Variants in RTF1 observed in about 807,000 individuals in gnomAD.
RTF1 encodes the protein RNA polymerase-associated protein RTF1 homolog.
Under a neutral mutation model 95.7 loss-of-function variants are expected in RTF1, and 10 were observed. That is an observed-to-expected ratio of 0.10 (90% CI 0.06 to 0.18). The LOEUF (loss-of-function observed/expected upper bound fraction) is 0.18, where lower values mean the gene tolerates loss of function less well. Ranked by LOEUF, RTF1 falls within the 10% of genes least tolerant of loss-of-function variation. The pLI is 1.00. For synonymous variants in RTF1, 305 were observed against 311.8 expected, an observed-to-expected ratio of 0.98 and a Z score of 0.23; for missense variants, 458 against 875.6, an observed-to-expected ratio of 0.52 and a Z score of 6.02.
At chr15:41,420,342 A>G (rs767352076) in intron 1 of RTF1, among the ~76,000 whole-genome samples, 1 of 152,154 alleles carries the variant, frequency 6.6e-6, no homozygotes, top group African/African-American at 2.4e-5. Context: ...GCACTATGCC[A>G]GACTCTCAGA....
chr15:41,433,323 T>C (rs566749000), intron 1 of RTF1, among the ~76,000 whole-genome samples: 1 of 152,194 alleles, frequency 6.6e-6, no homozygotes, highest in Admixed American at 6.5e-5. Context: ...AGAGAAGAGA[T>C]TACTTACCAG....
At chr15:41,469,498 A>C (rs190596305) in intron 6 of RTF1, among the ~76,000 whole-genome samples, 8 of 150,908 alleles carry the variant, frequency 5.3e-5, no homozygotes, top group African/African-American at 1.9e-4. Context: ...CTGGGATTAC[A>C]GGCATGAGTC....
chr15:41,442,979 A>G (rs1486551700), intron 2 of RTF1, among the ~76,000 whole-genome samples: 1 of 152,192 alleles, frequency 6.6e-6, no homozygotes, highest in Non-Finnish European at 1.5e-5. Context: ...TCAAACTTAT[A>G]TATGTCTCTC....
At chr15:41,474,511 C>T in intron 8 of RTF1, 109 bp from the exon 9 acceptor site, 1 of 816,774 alleles carries the variant, frequency 1.2e-6, no homozygotes. Context: ...GGACTCTACT[C>T]AGCACTCTAT....
In RTF1 at chr15:41,471,097, G is replaced by A. The variant is rs1182241538; in HGVS notation, c.1026-75G>A. 3 of 1,395,008 alleles carry A rather than the reference G, an allele frequency of 2.2e-6. No individual in the cohort carries two copies. The African/African-American group carries it at 4.3e-5, about 20-fold the overall frequency. The allele number at this position is 1,395,008 out of a possible 1,614,324, so 86.4% of individuals were successfully genotyped here. On this transcript the variant is annotated intron_variant, in intron 7 of 17. Transcript: ENST00000389629. ...ACATGTACTTTGGTTAAGTTTTGAG[G>A]AGTTGATATTATTTTTCTGTCTTGT...
In RTF1 at chr15:41,475,685, T is replaced by G. The variant is rs552066769; in HGVS notation, c.1375-27T>G. The G allele has an allele frequency of 3.1e-6, 5 of 1,598,950 alleles. No homozygotes were observed. The South Asian group carries it at 5.5e-5, about 18-fold the overall frequency. ...ATATCTTTCCAAAATCCCTTACTAA[T>G]AATCTCGTATCGTGTTTTTGATCCA... On this transcript the variant is annotated intron_variant, in intron 10 of 17. Transcript: ENST00000389629.
intron 6 of RTF1, among the ~76,000 whole-genome samples, chr15:41,468,472 C>G (rs1029323332): frequency 1.3e-5 from 2 of 152,010 alleles, no homozygotes; most frequent in East Asian, 3.9e-4. Context: ...CACCTGCCAC[C>G]ACGCCCAGCT....
intron 4 of RTF1, among the ~76,000 whole-genome samples, chr15:41,461,690 C>T (rs538483826): frequency 2.0e-5 from 3 of 150,996 alleles, no homozygotes; most frequent in Non-Finnish European, 4.4e-5. Context: ...GGGGTTTCAC[C>T]GTGTTAGCCA....
chr15:41,430,174 ATTTTTTT>A (rs773433000), intron 1 of RTF1, among the ~76,000 whole-genome samples: 1 of 110,256 alleles, frequency 9.1e-6, no homozygotes, highest in African/African-American at 3.5e-5. Flanking sequence ...TGTCTGGCTA[ATTTTTTT>A]TTTTTTTTTT....
intron 2 of RTF1, 106 bp from the exon 3 acceptor site, chr15:41,452,795 G>A: frequency 1.2e-6 from 1 of 832,860 alleles, no homozygotes; most frequent in South Asian, 3.0e-5. Flanking sequence ...TATTTGTTTT[G>A]GATTCAAAGA....
chr15:41,464,820 G>A lies in RTF1; in HGVS notation c.712G>A (p.Glu238Lys). The A allele has an allele frequency of 6.4e-7, 1 of 1,561,442 alleles. No individual in the cohort carries two copies. Among genetic ancestry groups the A allele is most frequent in the Non-Finnish European group, 8.7e-7 (1 of 1,154,770 alleles). The change falls in exon 5 of 18, where the codon GAA becomes AAA. Residue 238 changes from glutamate (E) to lysine (K), a missense_variant. Glu to Lys is a moderately conservative substitution (Grantham distance 56). This residue lies in a region of RTF1 where 39 missense variants were observed against 43.8 expected (regional missense o/e 0.89). Coordinates refer to ENST00000389629, the MANE Select transcript of RTF1 (RefSeq NM_015138.5). The part of the protein sequence containing the change: ...LKTAKKKEKK[E>K]KKKKQEEEQE... ...AACAGCCAAAAAGAAAGAAAAGAAAGAAAAGAAGAAAAAGCAAGAAGAGGA... is the reference window on the plus strand; with the variant it reads ...AACAGCCAAAAAGAAAGAAAAGAAAAAAAAGAAGAAAAAGCAAGAAGAGGA...
chr15:41,474,278 A>G (rs778487823), intron 8 of RTF1, among the ~76,000 whole-genome samples: 3 of 152,242 alleles, frequency 2.0e-5, no homozygotes, highest in Non-Finnish European at 2.9e-5. Flanking sequence ...GCTTGGCAAC[A>G]GAAACTGACC....
intron 10 of RTF1, 44 bp downstream of exon 10, chr15:41,475,656 G>A (rs1312277738): frequency 1.2e-6 from 2 of 1,603,532 alleles, no homozygotes; most frequent in Non-Finnish European, 1.7e-6. Flanking sequence ...TGCACGTTGA[G>A]AAAATATCTT....
intron 8 of RTF1, among the ~76,000 whole-genome samples, chr15:41,473,820 C>T (rs1393357665): frequency 3.3e-5 from 5 of 151,686 alleles, no homozygotes; most frequent in African/African-American, 1.2e-4. Flanking sequence ...AGGTGGATCA[C>T]GAGGTCAGGA....
rs2050967527 is a variant in RTF1, at chr15:41,480,620, C to T, written c.2066C>T (p.Ala689Val). 6.2e-7 allele frequency: 1 copy of T among 1,614,068 alleles called. No homozygotes were observed. The highest frequency in any genetic ancestry group is 8.5e-7 in the Non-Finnish European group (1 of 1,180,028). Residue 689 changes from alanine (A) to valine (V), a missense_variant, in exon 18 of 18, where the codon GCC becomes GTC. Transcript: ENST00000389629. ...ALAITSKAPP[A>V]KDGAPRRSLN... ...GCCATCACCTCCAAGGCTCCGCCAG[C>T]CAAGGATGGGGCTCCAAGGAGATCT...
At chr15:41,448,814 A>G (rs1300742216) in intron 2 of RTF1, 1 of 152,102 alleles carries the variant, frequency 6.6e-6, no homozygotes, top group African/African-American at 2.4e-5. Context: ...TCTGTATTCT[A>G]ATTTTAGATA....
At chr15:41,440,859 G>A (rs1291405526) in intron 2 of RTF1, among the ~76,000 whole-genome samples, 2 of 152,024 alleles carry the variant, frequency 1.3e-5, no homozygotes, top group African/African-American at 4.8e-5. Flanking sequence ...AAATCAGTGG[G>A]GGGTCTATGA....
At chr15:41,461,663 G>C (rs1384366150) in intron 4 of RTF1, among the ~76,000 whole-genome samples, 1 of 151,526 alleles carries the variant, frequency 6.6e-6, no homozygotes, top group Non-Finnish European at 1.5e-5. Context: ...CCAATTTTTT[G>C]TATTTTTAGT....
intron 6 of RTF1, among the ~76,000 whole-genome samples, chr15:41,467,171 A>C (rs2050884869): frequency 6.6e-6 from 1 of 152,154 alleles, no homozygotes; most frequent in East Asian, 1.9e-4. Flanking sequence ...TGATGGCATG[A>C]GTTCAGCTGG....
Sources: gnomAD v4.1 joint callset for allele counts (sites outside exome capture counted in the v4.1 genomes callset) on GRCh38, gnomAD v4.1.1 for gene constraint, gnomAD v4.1.1 regional missense constraint, MANE v1.5 for transcripts, NCBI Gene and HGNC (gene_info 2026-07-23, HGNC 2026-07-21) for gene names.